TTN: variants seen among roughly 807,000 people sequenced by gnomAD.
TTN encodes titin, also known as connectin.
Under a neutral mutation model 3,223.0 loss-of-function variants are expected in TTN, and 1,525 were observed. The observed-to-expected ratio is 0.47, with a 90% confidence interval of 0.45 to 0.49. The LOEUF (loss-of-function observed/expected upper bound fraction) is 0.49, where lower values mean the gene tolerates loss of function less well. TTN is among the 20% of genes least tolerant of loss of function. The pLI, the probability that TTN is intolerant of heterozygous loss-of-function variation, is 0.00. For missense variants in TTN, 40,786 were observed against 43,424.0 expected (o/e 0.94, Z 5.40); for synonymous variants, 14,094 against 15,161.0 (o/e 0.93, Z 5.17).
chr2:178,760,317 G>A (rs985538810), intron 43 of TTN, among the ~76,000 whole-genome samples: 20 of 152,138 alleles, frequency 1.3e-4, no homozygotes, highest in African/African-American at 4.8e-4. Context: ...AGATCACGAG[G>A]TCAGGAGTTC....
In TTN at chr2:178,702,463, C is replaced by T. The variant is rs1577675584; in HGVS notation, c.30424G>A (p.Asp10142Asn). ...HYMTIHNVTP[D>N]DEGVYSVIAR... ...CTGTCAATGAAATCACCTTCATCGT[C>T]TGGGGTCACATTGTGGATGGTCATA... The change falls in exon 107 of 363, where the codon GAC (aspartate) becomes AAC (asparagine). Residue 10142 changes from aspartate to asparagine, a missense_variant. Transcript: ENST00000589042. The T allele has an allele frequency of 2.5e-6, 4 of 1,613,818 alleles. No homozygotes were observed. The highest frequency in any genetic ancestry group is 8.5e-7 in the Non-Finnish European group (1 of 1,179,856).
Position 178,647,111 on chromosome 2 carries a change from T to TC in TTN, c.40174dup (p.Glu13392GlyfsTer9). On this transcript the variant is annotated frameshift_variant, in exon 215 of 363. Coordinates refer to ENST00000589042, the MANE Select transcript of TTN (RefSeq NM_001267550.2). LOFTEE classifies it high-confidence loss of function. Reference sequence around the variant, plus strand: ...TCTACCAATGGTTATAGATGCTTTTTCTTCATATATTATTTCCTCAGGAGT... The same window carrying TC: ...TCTACCAATGGTTATAGATGCTTTTTCCTTCATATATTATTTCCTCAGGAGT... 7.0e-7 allele frequency: 1 copy of TC among 1,432,938 alleles called. No individual in the cohort carries two copies. The highest frequency in any genetic ancestry group is 9.2e-7 in the Non-Finnish European group (1 of 1,087,092). The allele number at this position is 1,432,938 out of a possible 1,614,324, so 88.8% of individuals were successfully genotyped here.
In TTN at chr2:178,589,370, G is replaced by T. The variant is rs766020138; in HGVS notation, c.62355C>A (p.Asp20785Glu). 2.5e-6 allele frequency: 4 copies of T among 1,613,394 alleles called. No homozygotes were observed. The highest frequency in any genetic ancestry group is 3.4e-6 in the Non-Finnish European group (4 of 1,179,630). Residue 20785 changes from aspartate (D) to glutamate (E), a missense_variant, in exon 304 of 363, where the codon GAC (aspartate) becomes GAA (glutamate). Coordinates refer to ENST00000589042, the MANE Select transcript of TTN (RefSeq NM_001267550.2). Reference protein sequence around the residue: ...LSGVLTVKAGDTIRLEAGVRG... With the variant: ...LSGVLTVKAGETIRLEAGVRG... ...TAACCCCTGCCTCAAGCCTAATGGT[G>T]TCCCCTGCTTTGACAGTTAGGACCC...
At chr2:178,743,743 T>A (rs1560943607) in intron 47 of TTN, among the ~76,000 whole-genome samples, 1 of 152,010 alleles carries the variant, frequency 6.6e-6, no homozygotes, top group Non-Finnish European at 1.5e-5. Flanking sequence ...ATTATGTGAC[T>A]AAGTGCAGAA....
Position 178,542,492 on chromosome 2 carries a change from C to A in TTN, c.97264G>T (p.Glu32422Ter). 1 of 1,612,756 alleles carries A rather than the reference C, an allele frequency of 6.2e-7. No individual in the cohort carries two copies. Among genetic ancestry groups the A allele is most frequent in the Non-Finnish European group, 8.5e-7 (1 of 1,178,972 alleles). The change falls in exon 349 of 363, where the codon GAA becomes TAA. Residue 32422 changes from glutamate (E) to a stop codon, truncating the protein, a stop_gained. Transcript: ENST00000589042. LOFTEE classifies it high-confidence loss of function. ...GCACCACCGTCCAATTCAGGTGGTT[C>A]CCAGGAAATGGTAATTGATGTAGCA... ...IDATSITISW[E>*]PPELDGGAPL...
In TTN at chr2:178,636,584, C is replaced by T. The variant is rs1192068092; in HGVS notation, c.41143G>A (p.Ala13715Thr). ...IFECLVSPST[A>T]ITTWMKDGSN... ...CCGTCTTTCATCCAGGTTGTAATTG[C>T]AGTGGAAGGGGAGACCAAACATTCA... The change falls in exon 225 of 363, where the codon GCA (alanine) becomes ACA (threonine). Residue 13715 changes from alanine to threonine, a missense_variant. Physicochemically the swap from Ala to Thr is moderately conservative, Grantham distance 58. Transcript: ENST00000589042. The surrounding 1 kb of genome is among the most constrained non-coding windows in gnomAD (Gnocchi z 4.3). 4 of 1,613,400 alleles carry T rather than the reference C, an allele frequency of 2.5e-6. No homozygotes were observed. Among genetic ancestry groups the T allele is most frequent in the Non-Finnish European group, 3.4e-6 (4 of 1,179,580 alleles).
intron 306 of TTN, 27 bp from the exon 307 acceptor site, chr2:178,587,444 A>G: frequency 6.2e-7 from 1 of 1,602,760 alleles, no homozygotes; most frequent in Middle Eastern, 1.7e-4. Context: ...AATCAGATAT[A>G]CATGTCTCCT....
rs566456478 is a variant in TTN at position 178,756,448 on chromosome 2, C to T, written c.11028G>A (p.Thr3676=). The change falls in exon 46 of 363, where the codon ACG becomes ACA. Residue 3676 remains threonine, a synonymous_variant. Coordinates refer to ENST00000589042, the MANE Select transcript of TTN (RefSeq NM_001267550.2). ...CTTTTAAAACACAGAGGAATTGAGC[C>T]GTGTCACCGCACTTTACAGTGACGT... ...LQDVTVKCGD[T]AQFLCVLKDD... The T allele has an allele frequency of 5.0e-6, 8 of 1,613,754 alleles. No homozygotes were observed. Among genetic ancestry groups the T allele is most frequent in the East Asian group, 2.2e-5 (1 of 44,806 alleles).
rs780890752 is a variant in TTN, at chr2:178,599,056, G to C, written c.56654C>G (p.Pro18885Arg). ...AACTGTTGGTTTATCTGGTGCTCCA[G>C]GGACAGCTGTGAAAAAGATCATATT... ...PETARNLFSVPGAPDKPTVSS... is the reference protein window; with the variant it reads ...PETARNLFSVRGAPDKPTVSS... Residue 18885 changes from proline (P) to arginine (R), a missense_variant, in exon 291 of 363, where the codon CCT becomes CGT. By Grantham distance (103) the Pro-to-Arg change is moderately radical. Transcript: ENST00000589042. 7.1e-6 allele frequency: 11 copies of C among 1,544,886 alleles called. No individual in the cohort carries two copies. Among genetic ancestry groups the C allele is most frequent in the African/African-American group, 2.8e-5 (2 of 71,836 alleles).
At position 178,714,372 on chromosome 2, in the gene TTN, G is replaced by A. The variant is rs778967914; in HGVS notation, c.26402C>T (p.Pro8801Leu). The change falls in exon 91 of 363, where the codon CCA becomes CTA. Residue 8801 changes from proline to leucine, a missense_variant. By Grantham distance (98) the Pro-to-Leu change is moderately conservative. Transcript: ENST00000589042. ...IATLQFSRVE[P>L]ANAGKYTCQI... ...ACAAGTGTATTTTCCAGCATTGGCT[G>A]GTTCCACTCTTGAAAACTGTAAGGT... 6 of 1,613,754 alleles carry A rather than the reference G, an allele frequency of 3.7e-6. No homozygotes were observed. In the South Asian group the frequency reaches 6.6e-5, roughly 18 times the overall value.
At position 178,761,754 on chromosome 2, in the gene TTN, A is replaced by C. The variant is rs375029508; in HGVS notation, c.10114+2423T>G. Among the ~76,000 whole-genome samples the C allele has an allele frequency of 2.6e-5, 4 of 152,290 alleles. No homozygotes were observed. The East Asian group carries it at 7.7e-4, about 29-fold the overall frequency. ...TCTGCACCCCAGCACCTAGGGTAAT[A>C]TCTCAATAGCAGGGAAACAATAAAT... On this transcript the variant is annotated intron_variant, in intron 43 of 362. Coordinates refer to ENST00000589042, the MANE Select transcript of TTN (RefSeq NM_001267550.2).
rs973736756 is a variant in TTN, at chr2:178,561,058, C to A, written c.85074G>T (p.Met28358Ile). The change falls in exon 326 of 363, where the codon ATG becomes ATT. Residue 28358 changes from methionine to isoleucine, a missense_variant. Met to Ile is a conservative substitution (Grantham distance 10). Transcript: ENST00000589042. Reference sequence around the variant, plus strand: ...TAACGTCTCGGAACTTGACATCCATCATAACTCTTGGAGGCTCAACATCAT... The same window carrying A: ...TAACGTCTCGGAACTTGACATCCATAATAACTCTTGGAGGCTCAACATCAT... The part of the protein sequence containing the change: ...VKDDVEPPRV[M>I]MDVKFRDVIV... 2 of 1,613,846 alleles carry A rather than the reference C, an allele frequency of 1.2e-6. No homozygotes were observed. The highest frequency in any genetic ancestry group is 1.7e-6 in the Non-Finnish European group (2 of 1,179,806).
Position 178,569,162 on chromosome 2 carries a change from T to G in TTN, c.76970A>C (p.Lys25657Thr). 1.2e-6 allele frequency: 2 copies of G among 1,613,326 alleles called. No homozygotes were observed. Among genetic ancestry groups the G allele is most frequent in the South Asian group, 2.2e-5 (2 of 90,978 alleles). Residue 25657 changes from lysine to threonine, a missense_variant, in exon 326 of 363, where the codon AAG becomes ACG. Physicochemically the swap from Lys to Thr is moderately conservative, Grantham distance 78. Coordinates refer to ENST00000589042, the MANE Select transcript of TTN (RefSeq NM_001267550.2). ...GAGCTGATCGATTTTCCAAGAATTC[T>G]TATGGCAGTTAGTTACAACAGCAGC... ...SYAAVVTNCH[K>T]NSWKIDQLQE...
chr2:178,751,365 T>C (rs2085451378), intron 47 of TTN: 2 of 1,605,710 alleles, frequency 1.2e-6, no homozygotes, highest in Non-Finnish European at 1.7e-6. Flanking sequence ...TCAGATTTAC[T>C]TTCTAAATAT....
Position 178,776,793 on chromosome 2 carries a change from C to G in TTN, c.5071G>C (p.Glu1691Gln). 6.2e-7 allele frequency: 1 copy of G among 1,614,148 alleles called. No homozygotes were observed. The highest frequency in any genetic ancestry group is 1.1e-5 in the South Asian group (1 of 91,090). Residue 1691 changes from glutamate to glutamine, a missense_variant, in exon 28 of 363, where the codon GAA becomes CAA. Physicochemically the swap from Glu to Gln is conservative, Grantham distance 29. Coordinates refer to ENST00000589042, the MANE Select transcript of TTN (RefSeq NM_001267550.2). The part of the protein sequence containing the change: ...HLRYGQEQWE[E>Q]GDLYDKEKQQ... ...TTCTCTTTGTCATAGAGATCACCTT[C>G]TTCCCATTGCTCTTGGCCATATCGC...
chr2:178,614,583 G>A lies in TTN; in HGVS notation c.48931C>T (p.Pro16311Ser). Residue 16311 changes from proline (P) to serine (S), a missense_variant, in exon 261 of 363, where the codon CCT (proline) becomes TCT (serine). Physicochemically the swap from Pro to Ser is moderately conservative, Grantham distance 74 (BLOSUM62 -1). Coordinates refer to ENST00000589042, the MANE Select transcript of TTN (RefSeq NM_001267550.2). Reference protein sequence around the residue: ...QDKRITIENVPKKSTVTIVDS... With the variant: ...QDKRITIENVSKKSTVTIVDS... ...ACAATAGTCACTGTGGATTTCTTAG[G>A]GACATTTTCAATGGTAATTCTTTTG... The A allele has an allele frequency of 6.2e-7, 1 of 1,612,246 alleles. No individual in the cohort carries two copies. Among genetic ancestry groups the A allele is most frequent in the South Asian group, 1.1e-5 (1 of 91,016 alleles).
At chr2:178,556,450 A>ACAAT (rs1254262721) in intron 330 of TTN, 78 of 221,268 alleles carry the variant, frequency 3.5e-4, no homozygotes, top group African/African-American at 1.7e-3. Flanking sequence ...AAACAAACAA[A>ACAAT]CAAACAAAAA....
rs774836172 is a variant in TTN at position 178,739,380 on chromosome 2, T to C, written c.13853A>G (p.Glu4618Gly). 1.7e-5 allele frequency: 27 copies of C among 1,613,778 alleles called. No individual in the cohort carries two copies. The highest frequency in any genetic ancestry group is 2.1e-5 in the Non-Finnish European group (25 of 1,179,836). ...IHTPLVDTVS[E>G]EGDIVHLTTS... ...TGTGAGGTGTACAATATCACCTTCC[T>C]CAGAAACAGTGTCCACTAAAGGTGT... The change falls in exon 48 of 363, where the codon GAG becomes GGG. Residue 4618 changes from glutamate (E) to glycine (G), a missense_variant. Transcript: ENST00000589042.
At chr2:178,528,225 G>A (rs767096966) in intron 361 of TTN, 49 bp downstream of exon 361, 4 of 1,552,116 alleles carry the variant, frequency 2.6e-6, no homozygotes, top group South Asian at 2.5e-5. Context: ...GCAAAAAAAC[G>A]ATCTAAAGGC....
Sources: gnomAD v4.1 joint callset for allele counts (sites outside exome capture counted in the v4.1 genomes callset) on GRCh38, gnomAD v4.1.1 for gene constraint, Gnocchi (gnomAD v3.1) non-coding constraint, MANE v1.5 for transcripts, NCBI Gene and HGNC (gene_info 2026-07-23, HGNC 2026-07-21) for gene names.